The following FBXL7 variants were observed in gnomAD, a reference collection of about 807,000 sequenced individuals.
The protein encoded by FBXL7 is F-box/LRR-repeat protein 7.
FBXL7 carries 12 observed loss-of-function variants against 38.3 expected under a neutral mutation model. The ratio of observed to expected loss-of-function variants is 0.31; its 90% CI spans 0.20 to 0.51. FBXL7 has a LOEUF of 0.51. Among genes scored for constraint, FBXL7 ranks in the 20% least tolerant of loss-of-function variants. The probability of loss-of-function intolerance (pLI) is 0.98; values close to 1 mark genes in which losing one functional copy is unlikely to be tolerated. For synonymous variants in FBXL7, 297 were observed against 300.9 expected, an observed-to-expected ratio of 0.99 and a Z score of 0.13; for missense variants, 567 against 676.4, an observed-to-expected ratio of 0.84 and a Z score of 1.79.
At chr5:15,849,051 G>T (rs1739014368) in intron 2 of FBXL7, among the ~76,000 whole-genome samples, 1 of 152,210 alleles carries the variant, frequency 6.6e-6, no homozygotes, top group African/African-American at 2.4e-5. Flanking sequence ...CTAGTAATGT[G>T]CAGTTTCATG....
At chr5:15,767,431 C>G (rs953760206) in intron 2 of FBXL7, among the ~76,000 whole-genome samples, 1 of 152,168 alleles carries the variant, frequency 6.6e-6, no homozygotes, top group African/African-American at 2.4e-5. Flanking sequence ...GAGGCATAGT[C>G]TTTGCGGTGT....
At chr5:15,821,872 G>A (rs1198928131) in intron 2 of FBXL7, among the ~76,000 whole-genome samples, 1 of 152,082 alleles carries the variant, frequency 6.6e-6, no homozygotes, top group African/African-American at 2.4e-5. Flanking sequence ...TCCTTATGGT[G>A]CCTGAATTAG....
In FBXL7 at chr5:15,551,224, C is replaced by T. The variant is rs548864378; in HGVS notation, c.37+50511C>T. On this transcript the variant is annotated intron_variant, in intron 1 of 3. Coordinates refer to ENST00000504595, the MANE Select transcript of FBXL7 (RefSeq NM_012304.5). The stretch of plus-strand genomic sequence containing the variant: ...TGGTTTGTGCCCATGGGTTTGTGTT[C>T]TTTACATGTCCCTTGCTTTCTCAGA... Among the ~76,000 whole-genome samples the T allele has an allele frequency of 2.0e-4, 31 of 152,302 alleles. 1 individual carries two copies. The South Asian group carries it at 3.5e-3, about 17-fold the overall frequency.
intron 2 of FBXL7, among the ~76,000 whole-genome samples, chr5:15,715,822 C>A (rs1280259901): frequency 3.3e-5 from 5 of 152,298 alleles, no homozygotes; most frequent in Middle Eastern, 3.4e-3. Context: ...GCCCACCGAA[C>A]TAGAAACAGA....
intron 2 of FBXL7, among the ~76,000 whole-genome samples, chr5:15,625,966 T>TG (rs1740803670): frequency 6.6e-6 from 1 of 152,116 alleles, no homozygotes; most frequent in Admixed American, 6.5e-5. Flanking sequence ...AACTATTGCG[T>TG]GGGGGGCCTT....
intron 2 of FBXL7, among the ~76,000 whole-genome samples, chr5:15,847,112 G>A (rs1738929134): frequency 1.3e-5 from 2 of 152,238 alleles, no homozygotes; most frequent in South Asian, 4.1e-4. Context: ...GCTTTACCCA[G>A]TGTGGTAGGC....
chr5:15,540,119 A>T (rs73754130), intron 1 of FBXL7, among the ~76,000 whole-genome samples: 1,708 of 152,302 alleles, frequency 0.011, 29 homozygotes, highest in African/African-American at 0.038. Flanking sequence ...GGAAAATATC[A>T]TGCAAAAGCT....
At chr5:15,767,265 A>G (rs1314057381) in intron 2 of FBXL7, among the ~76,000 whole-genome samples, 4 of 152,234 alleles carry the variant, frequency 2.6e-5, no homozygotes, top group African/African-American at 9.6e-5. Context: ...GTGATAAAAA[A>G]AAAAAGTCTA....
intron 1 of FBXL7, among the ~76,000 whole-genome samples, chr5:15,502,458 C>T (rs969855077): frequency 1.3e-5 from 2 of 152,172 alleles, no homozygotes; most frequent in South Asian, 2.1e-4. Context: ...ATTTTCACTT[C>T]AGCCGAAGTG....
chr5:15,819,045 A>C (rs1473930673), intron 2 of FBXL7, among the ~76,000 whole-genome samples: 1 of 152,182 alleles, frequency 6.6e-6, no homozygotes, highest in Non-Finnish European at 1.5e-5. Flanking sequence ...AGGGAAGCCA[A>C]TTAGCTAAGG....
Position 15,821,936 on chromosome 5 carries a change from A to G in FBXL7, c.128-105954A>G, listed in dbSNP as rs555621197. 1.8e-4 allele frequency among the ~76,000 whole-genome samples: 28 copies of G among 152,162 alleles called. No homozygotes were observed. The South Asian group carries it at 2.9e-3, about 16-fold the overall frequency. On this transcript the variant is annotated intron_variant, in intron 2 of 3. Transcript: ENST00000504595. ...ACTGCCAAGCTCCCAGTTAACTTCT[A>G]TCTCGGGAGTGGACATGAGAGCCTA...
At chr5:15,862,117 T>A (rs1382059681) in intron 2 of FBXL7, among the ~76,000 whole-genome samples, 1 of 152,174 alleles carries the variant, frequency 6.6e-6, no homozygotes, top group African/African-American at 2.4e-5. Flanking sequence ...CCAAATCTCA[T>A]CTTGAATTGT....
intron 2 of FBXL7, among the ~76,000 whole-genome samples, chr5:15,784,766 T>G (rs1404195286): frequency 1.3e-5 from 2 of 152,188 alleles, no homozygotes; most frequent in African/African-American, 4.8e-5. Context: ...GCCGAGCAGA[T>G]GCTGGCACCA....
At chr5:15,654,812 A>G (rs1361580339) in intron 2 of FBXL7, among the ~76,000 whole-genome samples, 1 of 152,196 alleles carries the variant, frequency 6.6e-6, no homozygotes, top group African/African-American at 2.4e-5. Context: ...AGATTTTTAA[A>G]AAATTCATGT....
In FBXL7 at chr5:15,920,324, G is replaced by C. The variant is rs1421673407; in HGVS notation, c.128-7566G>C. Among the ~76,000 whole-genome samples the C allele has an allele frequency of 3.3e-5, 5 of 152,218 alleles. No individual in the cohort carries two copies. In the East Asian group the frequency reaches 7.7e-4, roughly 24 times the overall value. ...CTCCTCCCTTTCTAGACCAAACTGG[G>C]CACTTGGGCAGCAGTAACAATGTAT... On this transcript the variant is annotated intron_variant, in intron 2 of 3. Coordinates refer to ENST00000504595, the MANE Select transcript of FBXL7 (RefSeq NM_012304.5).
chr5:15,666,380 A>G (rs915150100), intron 2 of FBXL7, among the ~76,000 whole-genome samples: 1 of 152,308 alleles, frequency 6.6e-6, no homozygotes. Flanking sequence ...TATCTGCACT[A>G]TCTACTATAT....
intron 2 of FBXL7, among the ~76,000 whole-genome samples, chr5:15,810,657 C>T (rs189946707): frequency 8.6e-5 from 13 of 151,346 alleles, no homozygotes; most frequent in African/African-American, 2.9e-4. Flanking sequence ...TTTATTTTAT[C>T]TGCCTTGGAT....
Position 15,774,713 on chromosome 5 carries a change from A to C in FBXL7, c.128-153177A>C, listed in dbSNP as rs375121226. On this transcript the variant is annotated intron_variant, in intron 2 of 3. Coordinates refer to ENST00000504595, the MANE Select transcript of FBXL7 (RefSeq NM_012304.5). ...CTTAAAATTAAAACAATAATAGTTT[A>C]ATAATGGCACAAACTAATTTCAAAG... Among the ~76,000 whole-genome samples, 13 of 152,354 alleles carry C rather than the reference A, an allele frequency of 8.5e-5. No individual in the cohort carries two copies. The East Asian group carries it at 2.3e-3, about 27-fold the overall frequency.
At chr5:15,851,557 C>T (rs1296326304) in intron 2 of FBXL7, among the ~76,000 whole-genome samples, 1 of 152,008 alleles carries the variant, frequency 6.6e-6, no homozygotes, top group African/African-American at 2.4e-5. Context: ...CTTGTTCTGC[C>T]CGTGAGTGGG....
Sources: allele counts gnomAD v4.1 joint callset (sites outside exome capture counted in the v4.1 genomes callset), GRCh38; gene constraint gnomAD v4.1.1; transcripts MANE v1.5; gene names NCBI Gene and HGNC (gene_info 2026-07-23, HGNC 2026-07-21).